Variants in RNF180 observed in about 807,000 individuals in gnomAD.
The protein encoded by RNF180 is ring finger protein 180.
In RNF180, 38 loss-of-function variants were observed where a neutral mutation model predicts 59.2. The observed-to-expected ratio is 0.64, with a 90% CI of 0.50 to 0.84. The LOEUF (loss-of-function observed/expected upper bound fraction) is 0.84. Ranked by LOEUF, RNF180 falls within the 40% of genes least tolerant of loss-of-function variation. The pLI, the probability that RNF180 is intolerant of heterozygous loss-of-function variation, is 0.00. For synonymous variants in RNF180, 262 were observed against 240.3 expected (o/e 1.09, Z -0.84); for missense variants, 705 against 700.9 (o/e 1.01, Z -0.07).
intron 5 of RNF180, among the ~76,000 whole-genome samples, chr5:64,296,210 C>A (rs1742874757): frequency 6.6e-6 from 1 of 152,130 alleles, no homozygotes; most frequent in South Asian, 2.1e-4. Context: ...TGACTACTAA[C>A]ATACCATGAT....
At chr5:64,258,014 G>A (rs1251842754) in intron 5 of RNF180, among the ~76,000 whole-genome samples, 1 of 152,162 alleles carries the variant, frequency 6.6e-6, no homozygotes, top group Non-Finnish European at 1.5e-5. Flanking sequence ...CATAAAAGAA[G>A]GAATAACAGC....
intron 5 of RNF180, among the ~76,000 whole-genome samples, chr5:64,284,953 T>C (rs1742204718): frequency 6.6e-6 from 1 of 152,212 alleles, no homozygotes; most frequent in Non-Finnish European, 1.5e-5. Context: ...TGTGAGCTGA[T>C]GTTTAATCTT....
chr5:64,241,265 T>G (rs1370513387), intron 5 of RNF180, among the ~76,000 whole-genome samples: 1 of 152,222 alleles, frequency 6.6e-6, no homozygotes, highest in Non-Finnish European at 1.5e-5. Flanking sequence ...AATATTTTAC[T>G]CATTTTGCCA....
chr5:64,307,686 G>A (rs1020318623), intron 5 of RNF180, among the ~76,000 whole-genome samples: 4 of 151,674 alleles, frequency 2.6e-5, no homozygotes, highest in Non-Finnish European at 5.9e-5. Flanking sequence ...TACCTTAAAC[G>A]TGCTCAGAAT....
chr5:64,355,958 G>C (rs999315173), intron 7 of RNF180, among the ~76,000 whole-genome samples: 11 of 151,770 alleles, frequency 7.2e-5, no homozygotes, highest in African/African-American at 2.7e-4. Context: ...GAACAGTGGA[G>C]TCTTAGATAT....
intron 1 of RNF180, among the ~76,000 whole-genome samples, chr5:64,198,869 G>T (rs1394388195): frequency 6.6e-6 from 1 of 151,684 alleles, no homozygotes; most frequent in African/African-American, 2.4e-5. Context: ...AGGCTGGAGT[G>T]CAGTGGCACG....
chr5:64,310,185 A>G (rs760736067), intron 5 of RNF180, among the ~76,000 whole-genome samples: 1 of 151,896 alleles, frequency 6.6e-6, no homozygotes, highest in Non-Finnish European at 1.5e-5. Context: ...ACAAGTATAA[A>G]AAGAATTATT....
chr5:64,343,296 G>T (rs1239672354), intron 7 of RNF180, among the ~76,000 whole-genome samples: 1 of 152,022 alleles, frequency 6.6e-6, no homozygotes, highest in East Asian at 1.9e-4. Context: ...TATAAAAAAA[G>T]AATAAAACAG....
intron 5 of RNF180, among the ~76,000 whole-genome samples, chr5:64,258,014 G>T (rs1251842754): frequency 6.6e-6 from 1 of 152,162 alleles, no homozygotes; most frequent in Non-Finnish European, 1.5e-5. Flanking sequence ...CATAAAAGAA[G>T]GAATAACAGC....
chr5:64,171,873 T>TA (rs1749954511), intron 1 of RNF180, among the ~76,000 whole-genome samples: 2 of 150,832 alleles, frequency 1.3e-5, no homozygotes, highest in Middle Eastern at 3.4e-3. Flanking sequence ...AGCATCTGGG[T>TA]ATAAGGAAGC....
intron 7 of RNF180, among the ~76,000 whole-genome samples, chr5:64,339,289 C>T (rs1338104140): frequency 6.6e-6 from 1 of 151,836 alleles, no homozygotes; most frequent in Non-Finnish European, 1.5e-5. Context: ...TATTTTTATA[C>T]CATATTAAGG....
At chr5:64,352,954 A>T (rs182816351) in intron 7 of RNF180, among the ~76,000 whole-genome samples, 1 of 151,862 alleles carries the variant, frequency 6.6e-6, no homozygotes, top group Non-Finnish European at 1.5e-5. Flanking sequence ...AAATGGGGGA[A>T]CATATCTATC....
At chr5:64,183,978 G>A (rs1308833355) in intron 1 of RNF180, among the ~76,000 whole-genome samples, 23 of 152,184 alleles carry the variant, frequency 1.5e-4, no homozygotes, top group Admixed American at 1.5e-3. Flanking sequence ...GGACTTGAAA[G>A]AGGTGATTAA....
At chr5:64,202,974 G>GCCTT (rs1226551432) in intron 2 of RNF180, among the ~76,000 whole-genome samples, 5 of 152,186 alleles carry the variant, frequency 3.3e-5, no homozygotes, top group African/African-American at 9.7e-5. Flanking sequence ...ACTCTCTGCT[G>GCCTT]CCTTTGCTCT....
chr5:64,325,138 A>G (rs1416884807), intron 5 of RNF180, 48 bp from the exon 6 acceptor site: 5 of 1,227,510 alleles, frequency 4.1e-6, no homozygotes. Flanking sequence ...ATCTTAAGGA[A>G]ACCAATCTCA....
chr5:64,201,773 T>G (rs544800836), intron 2 of RNF180, among the ~76,000 whole-genome samples: 5 of 152,334 alleles, frequency 3.3e-5, no homozygotes, highest in Middle Eastern at 3.4e-3. Context: ...GGAGTCTTGC[T>G]CTGTCACCCA....
At position 64,368,130 on chromosome 5, in the gene RNF180, T is replaced by G. The variant is rs148084910; in HGVS notation, c.1580-1485T>G. ...TAGTTGACTTTCAAGATTTGCTTTT[T>G]CTGTACCAACAAATCCCCATGCTTT... On this transcript the variant is annotated intron_variant, in intron 7 of 7. Transcript: ENST00000389100. 9.5e-4 allele frequency among the ~76,000 whole-genome samples: 144 copies of G among 151,822 alleles called. 4 individuals are homozygous for G. In the East Asian group the frequency reaches 0.027, roughly 28 times the overall value.
At chr5:64,236,181 T>C (rs1252995264) in intron 5 of RNF180, among the ~76,000 whole-genome samples, 1 of 152,220 alleles carries the variant, frequency 6.6e-6, no homozygotes, top group Admixed American at 6.5e-5. Flanking sequence ...CTGATAGTTA[T>C]ATGGACAGTG....
chr5:64,212,134 G>T lies in RNF180; in HGVS notation c.205G>T (p.Glu69Ter), dbSNP rs937777771. The T allele has an allele frequency of 1.2e-6, 2 of 1,600,382 alleles. No homozygotes were observed. Among genetic ancestry groups the T allele is most frequent in the Non-Finnish European group, 8.6e-7 (1 of 1,167,766 alleles). Reference protein sequence around the residue: ...VWHMNVEALPEWISCLIQKAQ... With the variant: ...VWHMNVEALP Reference sequence around the variant, plus strand: ...GCACATGAATGTAGAAGCCCTTCCAGAATGGATAAGCTGCCTAATCCAAAA... The same window carrying T: ...GCACATGAATGTAGAAGCCCTTCCATAATGGATAAGCTGCCTAATCCAAAA... Residue 69 changes from glutamate (E) to a stop codon, truncating the protein, a stop_gained, in exon 3 of 8, where the codon GAA becomes TAA. Transcript: ENST00000389100. LOFTEE classifies it high-confidence loss of function.
Sources: allele counts gnomAD v4.1 joint callset (sites outside exome capture counted in the v4.1 genomes callset), GRCh38; gene constraint gnomAD v4.1.1; transcripts MANE v1.5; gene names NCBI Gene and HGNC (gene_info 2026-07-23, HGNC 2026-07-21).